The following NRP1 variants were observed in gnomAD, a reference collection of about 807,000 sequenced individuals.
NRP1 encodes the protein neuropilin-1.
NRP1 carries 35 observed loss-of-function variants against 106.7 expected under a neutral mutation model. The observed-to-expected ratio is 0.33, with a 90% CI of 0.25 to 0.43. The LOEUF (loss-of-function observed/expected upper bound fraction) is 0.43, where lower values mean the gene tolerates loss of function less well. Among genes scored for constraint, NRP1 ranks in the 20% least tolerant of loss-of-function variants. The pLI is 1.00. For missense variants in NRP1, 1,024 were observed against 1,170.4 expected (o/e 0.87, Z 1.83); for synonymous variants, 437 against 417.9 (o/e 1.05, Z -0.56).
intron 2 of NRP1, among the ~76,000 whole-genome samples, chr10:33,303,021 T>C (rs972328398): frequency 2.0e-5 from 3 of 152,194 alleles, no homozygotes; most frequent in African/African-American, 7.2e-5. Context: ...AGGCAGCGAA[T>C]CTTTCCCCCG....
intron 15 of NRP1, 85 bp from the exon 16 acceptor site, chr10:33,182,833 G>GCGCA: frequency 2.3e-5 from 17 of 746,332 alleles, no homozygotes; most frequent in East Asian, 8.0e-5. Flanking sequence ...TTAGGTACAT[G>GCGCA]CACACACACA....
intron 6 of NRP1, among the ~76,000 whole-genome samples, chr10:33,240,259 G>A (rs1373344317): frequency 6.6e-6 from 1 of 152,168 alleles, no homozygotes; most frequent in Non-Finnish European, 1.5e-5. Flanking sequence ...ATGCCTAAAA[G>A]ACTAGGAAAG....
intron 9 of NRP1, chr10:33,212,029 T>C (rs1313528721): frequency 6.6e-6 from 1 of 152,246 alleles, no homozygotes; most frequent in Non-Finnish European, 1.5e-5. Context: ...CCTTTCCAAG[T>C]TGCTGTTGCA....
At chr10:33,279,733 C>A (rs1843975416) in intron 2 of NRP1, among the ~76,000 whole-genome samples, 1 of 152,100 alleles carries the variant, frequency 6.6e-6, no homozygotes, top group Non-Finnish European at 1.5e-5. Context: ...TAAGACCACG[C>A]TCTGCTAGGA....
chr10:33,208,435 G>T (rs1837997852), intron 9 of NRP1, among the ~76,000 whole-genome samples: 1 of 152,220 alleles, frequency 6.6e-6, no homozygotes, highest in South Asian at 2.1e-4. Flanking sequence ...CACTGCCAGT[G>T]CTGCTGCTGG....
intron 2 of NRP1, among the ~76,000 whole-genome samples, chr10:33,305,392 A>C (rs1846077859): frequency 6.6e-6 from 1 of 152,254 alleles, no homozygotes; most frequent in African/African-American, 2.4e-5. Context: ...AGCATAAGTT[A>C]TAAACCCCTG....
intron 8 of NRP1, among the ~76,000 whole-genome samples, chr10:33,221,461 A>T (rs543260625): frequency 6.2e-4 from 94 of 152,332 alleles, no homozygotes; most frequent in Non-Finnish European, 1.1e-3. Flanking sequence ...GCTGTATGGC[A>T]TAAATTATTA....
At chr10:33,326,525 A>T (rs1847899710) in intron 2 of NRP1, among the ~76,000 whole-genome samples, 1 of 152,162 alleles carries the variant, frequency 6.6e-6, no homozygotes, top group Non-Finnish European at 1.5e-5. Context: ...TCAATCTAAT[A>T]ATAAAATCAT....
Position 33,228,819 on chromosome 10 carries a change from A to T in NRP1, c.982-2530T>A, listed in dbSNP as rs1184800595. Among the ~76,000 whole-genome samples, 10 of 152,368 alleles carry T rather than the reference A, an allele frequency of 6.6e-5. No individual in the cohort carries two copies. The South Asian group carries it at 2.1e-3, about 32-fold the overall frequency. ...TTCACCAGATTTAAGAGAAAAAGGA[A>T]CAAGAATTTAATAGAATTTAATATT... On this transcript the variant is annotated intron_variant, in intron 6 of 16. Coordinates refer to ENST00000374867, the MANE Select transcript of NRP1 (RefSeq NM_003873.7).
intron 8 of NRP1, among the ~76,000 whole-genome samples, chr10:33,215,472 C>T (rs1041672995): frequency 3.3e-5 from 5 of 152,174 alleles, no homozygotes; most frequent in African/African-American, 1.2e-4. Context: ...CTTCTGAGCA[C>T]AAGGAGAGTA....
intron 2 of NRP1, among the ~76,000 whole-genome samples, chr10:33,312,144 G>A (rs1325151057): frequency 6.6e-6 from 1 of 152,146 alleles, no homozygotes; most frequent in Non-Finnish European, 1.5e-5. Flanking sequence ...CATCTTGAAG[G>A]AATTGCATTT....
At chr10:33,330,618 T>A (rs1848208517) in intron 2 of NRP1, 90 bp downstream of exon 2, 1 of 1,075,592 alleles carries the variant, frequency 9.3e-7, no homozygotes, top group African/African-American at 1.6e-5. Flanking sequence ...CCATTTATAA[T>A]CTACATTGTA....
intron 1 of NRP1, among the ~76,000 whole-genome samples, chr10:33,331,108 A>T (rs1479955286): frequency 6.6e-6 from 1 of 151,972 alleles, no homozygotes; most frequent in East Asian, 1.9e-4. Flanking sequence ...ATCTGAGAGG[A>T]CTCTTCCCCC....
rs780997720 is a variant in NRP1, at chr10:33,186,414, C to T, written c.2137G>A (p.Val713Ile). ...GKVARLVSPV[V>I]YSQNSAHCMT... ...CAGTGGGCAGAGTTCTGGGAATAAA[C>T]CACAGGGCTCACCAGGCGAGCCACT... Residue 713 changes from valine (V) to isoleucine (I), a missense_variant, in exon 14 of 17, where the codon GTT (valine) becomes ATT (isoleucine). Val to Ile is a conservative substitution (Grantham distance 29). Coordinates refer to ENST00000374867, the MANE Select transcript of NRP1 (RefSeq NM_003873.7). 3 of 1,614,102 alleles carry T rather than the reference C, an allele frequency of 1.9e-6. No individual in the cohort carries two copies. Among genetic ancestry groups the T allele is most frequent in the Admixed American group, 3.3e-5 (2 of 60,006 alleles).
chr10:33,223,177 C>A (rs1377587865), intron 7 of NRP1, among the ~76,000 whole-genome samples: 1 of 152,176 alleles, frequency 6.6e-6, no homozygotes, highest in Non-Finnish European at 1.5e-5. Flanking sequence ...GCAGCTTCCT[C>A]CCCATCTTTC....
intron 2 of NRP1, among the ~76,000 whole-genome samples, chr10:33,305,260 C>T (rs1427606582): frequency 6.6e-6 from 1 of 152,180 alleles, no homozygotes; most frequent in Non-Finnish European, 1.5e-5. Flanking sequence ...GTCAAAATAG[C>T]TCAAGATATA....
chr10:33,298,555 A>T (rs563083688), intron 2 of NRP1, among the ~76,000 whole-genome samples: 1 of 152,236 alleles, frequency 6.6e-6, no homozygotes, highest in South Asian at 2.1e-4. Context: ...GAACTCCGCA[A>T]ATCTCCTCCT....
chr10:33,303,736 C>T (rs1845959859), intron 2 of NRP1, among the ~76,000 whole-genome samples: 1 of 152,158 alleles, frequency 6.6e-6, no homozygotes, highest in Admixed American at 6.6e-5. Context: ...ACTTAGAAAA[C>T]ATTTTATTTA....
At chr10:33,281,378 AC>A (rs1844118773) in intron 2 of NRP1, among the ~76,000 whole-genome samples, 1 of 40,208 alleles carries the variant, frequency 2.5e-5, no homozygotes, top group Non-Finnish European at 8.6e-5. Flanking sequence ...AAGTGAACTG[AC>A]TTTTTTTTTA....
Sources: gnomAD v4.1 joint callset for allele counts (sites outside exome capture counted in the v4.1 genomes callset) on GRCh38, gnomAD v4.1.1 for gene constraint, MANE v1.5 for transcripts, NCBI Gene and HGNC (gene_info 2026-07-23, HGNC 2026-07-21) for gene names.